Variants in PDS5A observed in about 807,000 individuals in gnomAD.
PDS5A encodes the protein PDS5 cohesin associated factor A.
In PDS5A, 42 loss-of-function variants were observed where a neutral mutation model predicts 167.1. The observed-to-expected ratio is 0.25, with a 90% CI of 0.20 to 0.33. The LOEUF (loss-of-function observed/expected upper bound fraction) is 0.33. Among genes scored for constraint, PDS5A ranks in the 10% least tolerant of loss-of-function variants. The pLI, the probability that PDS5A is intolerant of heterozygous loss-of-function variation, is 1.00. For synonymous variants in PDS5A, 553 were observed against 554.6 expected, an observed-to-expected ratio of 1.00 and a Z score of 0.04; for missense variants, 1,033 against 1,605.9, an observed-to-expected ratio of 0.64 and a Z score of 6.10.
At chr4:39,975,514 T>C (rs1380625890) in intron 2 of PDS5A, among the ~76,000 whole-genome samples, 2 of 152,228 alleles carry the variant, frequency 1.3e-5, no homozygotes, top group African/African-American at 4.8e-5. Context: ...ATTCTAACTC[T>C]GAAAAGTTGT....
intron 9 of PDS5A, among the ~76,000 whole-genome samples, 171 bp downstream of exon 9, chr4:39,913,440 T>G (rs1310656057): frequency 6.6e-6 from 1 of 152,194 alleles, no homozygotes; most frequent in African/African-American, 2.4e-5. Flanking sequence ...CTAAGCTTTC[T>G]TCATAAAAAA....
intron 6 of PDS5A, among the ~76,000 whole-genome samples, chr4:39,922,065 T>A (rs1373712739): frequency 6.6e-6 from 1 of 152,132 alleles, no homozygotes; most frequent in Admixed American, 6.5e-5. Context: ...TAGAGCCCAG[T>A]GGTGGAGCCT....
intron 22 of PDS5A, among the ~76,000 whole-genome samples, chr4:39,867,929 A>AT (rs1399961034): frequency 6.6e-6 from 1 of 152,196 alleles, no homozygotes; most frequent in Non-Finnish European, 1.5e-5. Flanking sequence ...ATTGGTAGTC[A>AT]TAATTACTTA....
intron 10 of PDS5A, among the ~76,000 whole-genome samples, chr4:39,909,609 A>G (rs910892604): frequency 6.6e-6 from 1 of 152,218 alleles, no homozygotes; most frequent in Non-Finnish European, 1.5e-5. Context: ...AAAATCCAGA[A>G]TATTTTATAA....
intron 2 of PDS5A, among the ~76,000 whole-genome samples, chr4:39,933,776 A>G (rs961808188): frequency 6.6e-6 from 1 of 152,220 alleles, no homozygotes; most frequent in Admixed American, 6.5e-5. Context: ...GTTACTGTGC[A>G]CATTTTTAAT....
At chr4:39,835,382 G>C (rs1483294852) in intron 32 of PDS5A, among the ~76,000 whole-genome samples, 2 of 152,204 alleles carry the variant, frequency 1.3e-5, no homozygotes, top group Non-Finnish European at 2.9e-5. Flanking sequence ...AGTCTGTAAA[G>C]AGAAGGCCAA....
At chr4:39,938,932 C>T (rs1227026528) in intron 2 of PDS5A, among the ~76,000 whole-genome samples, 1 of 151,482 alleles carries the variant, frequency 6.6e-6, no homozygotes, top group African/African-American at 2.4e-5. Flanking sequence ...ATCACACCAC[C>T]GCACTCCAGC....
At chr4:39,898,333 A>G in intron 16 of PDS5A, 56 bp downstream of exon 16, 3 of 1,474,416 alleles carry the variant, frequency 2.0e-6, no homozygotes, top group Non-Finnish European at 2.7e-6. Flanking sequence ...GCTTTAATAA[A>G]ATACATATTT....
At chr4:39,904,569 T>C (rs1312457997) in intron 11 of PDS5A, among the ~76,000 whole-genome samples, 3 of 152,182 alleles carry the variant, frequency 2.0e-5, no homozygotes, top group Non-Finnish European at 4.4e-5. Context: ...CCTGACCTCA[T>C]GATCCGCCCG....
chr4:39,851,065 T>G (rs190612715), intron 26 of PDS5A, among the ~76,000 whole-genome samples: 3 of 152,176 alleles, frequency 2.0e-5, no homozygotes, highest in African/African-American at 7.2e-5. Flanking sequence ...ATAATATTTA[T>G]TAACTTAGGC....
chr4:39,827,235 T>A (rs924723015), intron 32 of PDS5A, among the ~76,000 whole-genome samples: 2 of 152,102 alleles, frequency 1.3e-5, no homozygotes, highest in African/African-American at 4.8e-5. Flanking sequence ...CCTGACCTAG[T>A]GATCAGCCTG....
intron 14 of PDS5A, 85 bp from the exon 15 acceptor site, chr4:39,898,910 C>T: frequency 1.2e-6 from 1 of 821,670 alleles, no homozygotes; most frequent in Non-Finnish European, 2.0e-6. Flanking sequence ...CATTACTGTA[C>T]ATTTTTCATG....
chr4:39,826,466 T>C (rs188220762), intron 32 of PDS5A, among the ~76,000 whole-genome samples: 58 of 150,694 alleles, frequency 3.8e-4, no homozygotes, highest in Admixed American at 2.5e-3. Context: ...CCTAATTCAT[T>C]CCACATTTTT....
At chr4:39,906,613 A>C (rs1181701352) in intron 11 of PDS5A, among the ~76,000 whole-genome samples, 1 of 151,762 alleles carries the variant, frequency 6.6e-6, no homozygotes, top group Non-Finnish European at 1.5e-5. Context: ...TGTATTAAAA[A>C]AAAAAAAGCA....
intron 8 of PDS5A, among the ~76,000 whole-genome samples, chr4:39,916,134 G>A (rs1330040832): frequency 6.6e-6 from 1 of 151,782 alleles, no homozygotes; most frequent in Non-Finnish European, 1.5e-5. Context: ...CTCCTCAAGA[G>A]ACTGAGACAA....
intron 27 of PDS5A, 24 bp downstream of exon 27, chr4:39,849,496 C>T (rs1460307066): frequency 2.0e-6 from 3 of 1,532,646 alleles, no homozygotes; most frequent in South Asian, 1.2e-5. Context: ...ATCTTAACAC[C>T]CACTGGCCTA....
intron 2 of PDS5A, among the ~76,000 whole-genome samples, chr4:39,962,920 C>A (rs182732955): frequency 1.5e-3 from 234 of 152,086 alleles, no homozygotes; most frequent in Middle Eastern, 3.4e-3. Flanking sequence ...CAAGACTGCA[C>A]CACTGTGCTA....
At chr4:39,950,405 G>A (rs1387169788) in intron 2 of PDS5A, among the ~76,000 whole-genome samples, 5 of 151,640 alleles carry the variant, frequency 3.3e-5, no homozygotes, top group African/African-American at 1.2e-4. Flanking sequence ...CTTCAGCCTG[G>A]GTGACAGAGC....
intron 30 of PDS5A, among the ~76,000 whole-genome samples, chr4:39,843,701 G>T (rs61073283): frequency 6.6e-6 from 1 of 151,966 alleles, no homozygotes; most frequent in Non-Finnish European, 1.5e-5. Flanking sequence ...GAGACACTCT[G>T]TCTCAAAAAT....
Sources: gnomAD v4.1 joint callset for allele counts (sites outside exome capture counted in the v4.1 genomes callset) on GRCh38, gnomAD v4.1.1 for gene constraint, MANE v1.5 for transcripts, NCBI Gene and HGNC (gene_info 2026-07-23, HGNC 2026-07-21) for gene names.